Variants in PRDM6 observed in about 807,000 individuals in gnomAD.
PRDM6 encodes the protein putative histone-lysine N-methyltransferase PRDM6.
Under a neutral mutation model 60.8 loss-of-function variants are expected in PRDM6, and 25 were observed. That is an observed-to-expected ratio of 0.41 (90% CI 0.30 to 0.57). The LOEUF (loss-of-function observed/expected upper bound fraction) is 0.57, where lower values mean the gene tolerates loss of function less well. Ranked by LOEUF, PRDM6 falls within the 20% of genes least tolerant of loss-of-function variation. The pLI is 0.27. For synonymous variants in PRDM6, 407 were observed against 357.4 expected, an observed-to-expected ratio of 1.14 and a Z score of -1.57; for missense variants, 839 against 821.3, an observed-to-expected ratio of 1.02 and a Z score of -0.26.
intron 3 of PRDM6, among the ~76,000 whole-genome samples, chr5:123,123,119 G>A (rs1281157118): frequency 1.3e-5 from 2 of 152,124 alleles, no homozygotes; most frequent in South Asian, 2.1e-4. Flanking sequence ...CCTCAGAAAG[G>A]TTATATCAGT....
At chr5:123,186,537 G>T (rs141046712) in intron 7 of PRDM6, among the ~76,000 whole-genome samples, 221 of 152,284 alleles carry the variant, frequency 1.5e-3, no homozygotes, top group African/African-American at 5.0e-3. Flanking sequence ...GTTAGGCTGT[G>T]ACACTGTAAC....
chr5:123,154,574 A>T (rs1322235618), intron 3 of PRDM6, among the ~76,000 whole-genome samples: 1 of 152,232 alleles, frequency 6.6e-6, no homozygotes. Flanking sequence ...TAGTAAAAAG[A>T]AACTGTCATC....
At chr5:123,100,030 C>T in intron 3 of PRDM6, 69 bp downstream of exon 3, 1 of 1,415,992 alleles carries the variant, frequency 7.1e-7, no homozygotes, top group Non-Finnish European at 9.3e-7. Context: ...CCTTGGCCGG[C>T]AGGGAGCCTG....
chr5:123,124,791 T>A (rs543278823), intron 3 of PRDM6, among the ~76,000 whole-genome samples: 20 of 152,316 alleles, frequency 1.3e-4, no homozygotes, highest in African/African-American at 4.6e-4. Flanking sequence ...CTATGTAAGA[T>A]GTTTTTATTT....
Position 123,192,188 on chromosome 5 carries a change from A to C in PRDM6, c.*4987A>C, listed in dbSNP as rs1346118137. 2 of 152,200 alleles carry C rather than the reference A, an allele frequency of 1.3e-5. No homozygotes were observed. Among genetic ancestry groups the C allele is most frequent in the African/African-American group, 4.8e-5 (2 of 41,456 alleles). The allele number at this position is 152,200 out of a possible 1,614,324, so 9.4% of individuals were successfully genotyped here. ...TGATGATTATAAATTATATTGTGCAATTACTGCCATGCCTTGTTCTAATGC... is the reference window on the plus strand; with the variant it reads ...TGATGATTATAAATTATATTGTGCACTTACTGCCATGCCTTGTTCTAATGC... On this transcript the variant is annotated 3_prime_UTR_variant, in exon 8 of 8. Transcript: ENST00000407847.
chr5:123,094,343 C>T (rs1763911285), intron 2 of PRDM6, among the ~76,000 whole-genome samples: 1 of 152,102 alleles, frequency 6.6e-6, no homozygotes, highest in Non-Finnish European at 1.5e-5. Flanking sequence ...TGCCCTGCGC[C>T]TCCTCTGTCA....
intron 6 of PRDM6, among the ~76,000 whole-genome samples, chr5:123,176,629 C>G (rs941224792): frequency 6.6e-6 from 1 of 152,182 alleles, no homozygotes. Context: ...GGAAGGATCA[C>G]TTGAGCACAG....
chr5:123,121,489 C>A (rs1418169879), intron 3 of PRDM6, among the ~76,000 whole-genome samples: 1 of 152,114 alleles, frequency 6.6e-6, no homozygotes, highest in Non-Finnish European at 1.5e-5. Flanking sequence ...CTCAAGTGAT[C>A]CTCCCACCTT....
intron 5 of PRDM6, among the ~76,000 whole-genome samples, chr5:123,161,620 TC>T (rs1223219270): frequency 6.6e-6 from 1 of 152,142 alleles, no homozygotes; most frequent in African/African-American, 2.4e-5. Flanking sequence ...ATGGGAATGT[TC>T]CTGGCATGTT....
intron 1 of PRDM6, among the ~76,000 whole-genome samples, chr5:123,089,780 T>G (rs1763761867): frequency 6.6e-6 from 1 of 152,120 alleles, no homozygotes; most frequent in Non-Finnish European, 1.5e-5. Flanking sequence ...GACGCTGCGA[T>G]CGGGGAGGCA....
At chr5:123,137,310 A>G (rs1205429700) in intron 3 of PRDM6, among the ~76,000 whole-genome samples, 1 of 152,164 alleles carries the variant, frequency 6.6e-6, no homozygotes, top group Admixed American at 6.5e-5. Context: ...GTGTCTTGGG[A>G]TCATCAAATT....
In PRDM6 at chr5:123,130,875, T is replaced by A. The variant is rs186370595; in HGVS notation, c.901-25009T>A. The stretch of plus-strand genomic sequence containing the variant: ...AGCCACCACGTCCAGCCTAGGAATA[T>A]TTTTAAAATGATAAAGCCCATGTGT... On this transcript the variant is annotated intron_variant, in intron 3 of 7. Coordinates refer to ENST00000407847, the MANE Select transcript of PRDM6 (RefSeq NM_001136239.4). Among the ~76,000 whole-genome samples, 49 of 152,310 alleles carry A rather than the reference T, an allele frequency of 3.2e-4. No individual in the cohort carries two copies. In the East Asian group the frequency reaches 8.5e-3, roughly 26 times the overall value.
chr5:123,133,985 T>C (rs1346796368), intron 3 of PRDM6, among the ~76,000 whole-genome samples: 1 of 152,132 alleles, frequency 6.6e-6, no homozygotes, highest in East Asian at 1.9e-4. Context: ...TTTCATTCTG[T>C]CTTGTCATTT....
intron 5 of PRDM6, among the ~76,000 whole-genome samples, chr5:123,161,219 A>G (rs1177835595): frequency 1.3e-5 from 2 of 152,244 alleles, no homozygotes; most frequent in African/African-American, 4.8e-5. Context: ...CAACATATCA[A>G]GGCCAAACAT....
intron 3 of PRDM6, among the ~76,000 whole-genome samples, chr5:123,153,606 G>C (rs1765423193): frequency 6.6e-6 from 1 of 152,160 alleles, no homozygotes; most frequent in African/African-American, 2.4e-5. Context: ...GGAAAAGCCT[G>C]ACAAATAGCC....
chr5:123,172,461 T>C (rs973479716), intron 6 of PRDM6, among the ~76,000 whole-genome samples: 6 of 152,322 alleles, frequency 3.9e-5, no homozygotes, highest in Admixed American at 1.3e-4. Flanking sequence ...TCTGCACATC[T>C]TAGTACTATT....
At chr5:123,158,523 C>G (rs1765557317) in intron 4 of PRDM6, among the ~76,000 whole-genome samples, 1 of 152,128 alleles carries the variant, frequency 6.6e-6, no homozygotes, top group Non-Finnish European at 1.5e-5. Context: ...TTTGCAGCTG[C>G]AAGTACAATA....
At chr5:123,126,531 A>T (rs1219081906) in intron 3 of PRDM6, among the ~76,000 whole-genome samples, 2 of 152,152 alleles carry the variant, frequency 1.3e-5, no homozygotes, top group Non-Finnish European at 2.9e-5. Context: ...AATTGGCCTC[A>T]TGCCAGCCAC....
At chr5:123,129,152 A>T (rs527485840) in intron 3 of PRDM6, among the ~76,000 whole-genome samples, 89 of 152,058 alleles carry the variant, frequency 5.9e-4, no homozygotes, top group African/African-American at 2.1e-3. Flanking sequence ...TACCATGCTG[A>T]TTTGGTTACT....
Sources: gnomAD v4.1 joint callset for allele counts (sites outside exome capture counted in the v4.1 genomes callset) on GRCh38, gnomAD v4.1.1 for gene constraint, MANE v1.5 for transcripts, NCBI Gene and HGNC (gene_info 2026-07-23, HGNC 2026-07-21) for gene names.